Variants in MBD5 observed in about 807,000 individuals in gnomAD.
MBD5 encodes methyl-CpG binding domain protein 5.
Under a neutral mutation model 117.3 loss-of-function variants are expected in MBD5, and 13 were observed. That is an observed-to-expected ratio of 0.11 (90% CI 0.07 to 0.18). The LOEUF (loss-of-function observed/expected upper bound fraction) is 0.18. Ranked by LOEUF, MBD5 falls within the 10% of genes least tolerant of loss-of-function variation. The pLI, the probability that MBD5 is intolerant of heterozygous loss-of-function variation, is 1.00. For missense variants in MBD5, 1,879 were observed against 2,093.8 expected (o/e 0.90, Z 2.00); for synonymous variants, 727 against 766.4 (o/e 0.95, Z 0.85).
chr2:148,371,342 T>C (rs570246475), intron 4 of MBD5, among the ~76,000 whole-genome samples: 5 of 152,226 alleles, frequency 3.3e-5, no homozygotes, highest in African/African-American at 1.2e-4. Flanking sequence ...TTGACCTACT[T>C]TTTTCCCCCT....
At chr2:148,323,532 G>C (rs1461613745) in intron 3 of MBD5, among the ~76,000 whole-genome samples, 2 of 151,598 alleles carry the variant, frequency 1.3e-5, no homozygotes, top group Non-Finnish European at 2.9e-5. Context: ...TTTAATGATC[G>C]CCATTCTAAC....
intron 11 of MBD5, among the ~76,000 whole-genome samples, chr2:148,492,288 A>AT (rs1176189094): frequency 6.6e-6 from 1 of 151,990 alleles, no homozygotes; most frequent in Admixed American, 6.6e-5. Context: ...TTCTTCCTTA[A>AT]TTTTGGCAAT....
Position 148,498,620 on chromosome 2 carries a change from G to C in MBD5, c.4963-3816G>C, listed in dbSNP as rs531215426. Among the ~76,000 whole-genome samples, 403 of 152,286 alleles carry C rather than the reference G, an allele frequency of 2.6e-3. 1 individual carries two copies. Among genetic ancestry groups the C allele is most frequent in the African/African-American group, 9.2e-3 (384 of 41,566 alleles). On this transcript the variant is annotated intron_variant, in intron 11 of 13. Transcript: ENST00000642680. ...CAAAGTGCTGGGATTACAGGCGTGA[G>C]CCACCATCCCCAGTCAGATCCAGGT...
intron 4 of MBD5, among the ~76,000 whole-genome samples, chr2:148,348,857 C>T (rs918272216): frequency 6.6e-6 from 1 of 151,872 alleles, no homozygotes; most frequent in Non-Finnish European, 1.5e-5. Flanking sequence ...CAGTTCAGAA[C>T]TGGTTTGCTT....
chr2:148,413,618 G>A (rs1054654632), intron 4 of MBD5, among the ~76,000 whole-genome samples: 1 of 150,792 alleles, frequency 6.6e-6, no homozygotes. Flanking sequence ...TTTTCTGGTT[G>A]GTAGATTTTT....
intron 1 of MBD5, among the ~76,000 whole-genome samples, chr2:148,060,281 G>C (rs952017327): frequency 6.6e-6 from 1 of 151,282 alleles, no homozygotes; most frequent in African/African-American, 2.4e-5. Context: ...TTGCACTCCA[G>C]CCTGGATGAC....
chr2:148,026,242 C>T (rs914932285), intron 1 of MBD5: 7 of 152,130 alleles, frequency 4.6e-5, no homozygotes, highest in Non-Finnish European at 7.3e-5. Context: ...ATTTATGACA[C>T]TTTCTAATTC....
chr2:148,488,283 C>T (rs1009232080), intron 10 of MBD5, among the ~76,000 whole-genome samples: 2 of 152,014 alleles, frequency 1.3e-5, no homozygotes, highest in Non-Finnish European at 2.9e-5. Flanking sequence ...AGAATAGTCT[C>T]GGAGATGGTG....
intron 4 of MBD5, among the ~76,000 whole-genome samples, chr2:148,445,785 C>T (rs1332214893): frequency 1.3e-5 from 2 of 151,338 alleles, no homozygotes; most frequent in Admixed American, 6.6e-5. Context: ...TCTCCACATC[C>T]TCTCCAGCAC....
intron 1 of MBD5, among the ~76,000 whole-genome samples, chr2:148,104,372 G>T (rs1380150701): frequency 1.3e-5 from 2 of 152,134 alleles, no homozygotes; most frequent in Admixed American, 6.5e-5. Context: ...ATAGAAGATG[G>T]TGTTTGCAGA....
At chr2:148,350,784 C>T (rs1162215118) in intron 4 of MBD5, among the ~76,000 whole-genome samples, 1 of 152,110 alleles carries the variant, frequency 6.6e-6, no homozygotes, top group African/African-American at 2.4e-5. Context: ...CCCTGTTCTT[C>T]CAGTAACTGT....
intron 1 of MBD5, among the ~76,000 whole-genome samples, chr2:148,083,934 T>C (rs1313478412): frequency 6.6e-6 from 1 of 152,158 alleles, no homozygotes. Flanking sequence ...CTGAATAGTT[T>C]TATTTTTATT....
chr2:148,228,311 T>C (rs1160181888), intron 2 of MBD5, among the ~76,000 whole-genome samples: 4 of 152,234 alleles, frequency 2.6e-5, no homozygotes, highest in Non-Finnish European at 4.4e-5. Flanking sequence ...TTGAGAGTTT[T>C]TAGCATGAAG....
chr2:148,239,720 T>C (rs116548578), intron 3 of MBD5, among the ~76,000 whole-genome samples: 2,590 of 48,232 alleles, frequency 0.054, 26 homozygotes, highest in East Asian at 0.19. Flanking sequence ...CACACACACA[T>C]ATATTGAGAT....
intron 4 of MBD5, among the ~76,000 whole-genome samples, chr2:148,456,950 A>AG (rs1202314086): frequency 6.6e-6 from 1 of 152,120 alleles, no homozygotes; most frequent in Non-Finnish European, 1.5e-5. Flanking sequence ...ATCCAAAAAA[A>AG]GGTTTCGGGC....
intron 1 of MBD5, among the ~76,000 whole-genome samples, chr2:148,150,312 G>T (rs1170438177): frequency 2.7e-5 from 4 of 149,900 alleles, no homozygotes; most frequent in Non-Finnish European, 4.5e-5. Flanking sequence ...CTCTGTTTTG[G>T]TACCAGTACC....
chr2:148,297,132 A>G (rs535501623), intron 3 of MBD5, among the ~76,000 whole-genome samples: 12 of 151,834 alleles, frequency 7.9e-5, no homozygotes, highest in Non-Finnish European at 1.6e-4. Flanking sequence ...TGATCTGCCC[A>G]CCTCAGCCTC....
intron 3 of MBD5, among the ~76,000 whole-genome samples, chr2:148,235,986 A>G (rs1415523364): frequency 1.3e-5 from 2 of 151,988 alleles, no homozygotes; most frequent in Non-Finnish European, 2.9e-5. Flanking sequence ...TTTTGTAGAG[A>G]CAGGGTTTTG....
At chr2:148,079,431 ATCT>A (rs1281823051) in intron 1 of MBD5, among the ~76,000 whole-genome samples, 21 of 152,254 alleles carry the variant, frequency 1.4e-4, no homozygotes, top group Non-Finnish European at 5.9e-5. Context: ...GCTTCATATA[ATCT>A]TCTTGGCTAG....
Sources: allele counts gnomAD v4.1 joint callset (sites outside exome capture counted in the v4.1 genomes callset), GRCh38; gene constraint gnomAD v4.1.1; transcripts MANE v1.5; gene names NCBI Gene and HGNC (gene_info 2026-07-23, HGNC 2026-07-21).